The following TPRG1 variants were observed in gnomAD, a reference collection of about 807,000 sequenced individuals.
The protein encoded by TPRG1 is tumor protein p63 regulated 1.
A neutral mutation model predicts 29.3 loss-of-function variants in TPRG1; 29 were observed. The ratio of observed to expected loss-of-function variants is 0.99; its 90% CI spans 0.74 to 1.35. TPRG1 has a LOEUF of 1.35. Among genes scored for constraint, TPRG1 ranks in the 40% most tolerant of loss-of-function variants. The pLI, the probability that TPRG1 is intolerant of heterozygous loss-of-function variation, is 0.00. For synonymous variants in TPRG1, 130 were observed against 116.8 expected (o/e 1.11, Z -0.73); for missense variants, 327 against 335.0 (o/e 0.98, Z 0.19).
chr3:189,133,085 G>C (rs904951826), intron 3 of TPRG1, among the ~76,000 whole-genome samples: 2 of 152,198 alleles, frequency 1.3e-5, no homozygotes, highest in African/African-American at 4.8e-5. Context: ...CCAGAGGAGA[G>C]ACTAGTGTAA....
intron 4 of TPRG1, among the ~76,000 whole-genome samples, chr3:189,285,092 A>T (rs1717827269): frequency 6.6e-6 from 1 of 152,240 alleles, no homozygotes; most frequent in Non-Finnish European, 1.5e-5. Flanking sequence ...CAAATTTACA[A>T]GAAAAAAATC....
chr3:189,072,961 G>C (rs919581759), intron 4 of TPRG1, among the ~76,000 whole-genome samples: 9 of 152,132 alleles, frequency 5.9e-5, no homozygotes, highest in Non-Finnish European at 1.2e-4. Flanking sequence ...TGCTTCCCAA[G>C]TTTTTAAGAC....
At chr3:189,280,215 C>T (rs759244956) in intron 4 of TPRG1, among the ~76,000 whole-genome samples, 5 of 150,294 alleles carry the variant, frequency 3.3e-5, no homozygotes, top group East Asian at 1.9e-4. Context: ...AAAGCAGCCA[C>T]GGGCAATATA....
At chr3:189,095,577 G>C (rs1388564710), upstream of TPRG1, among the ~76,000 whole-genome samples, 1 of 152,126 alleles carries the variant, frequency 6.6e-6, no homozygotes, top group Admixed American at 6.6e-5. Context: ...ATCCTCTCTG[G>C]AAAGCTTCGC....
chr3:189,225,148 G>T (rs557714076), intron 3 of TPRG1, among the ~76,000 whole-genome samples: 4 of 152,036 alleles, frequency 2.6e-5, no homozygotes, highest in Non-Finnish European at 5.9e-5. Context: ...AGCCAGGATG[G>T]TCTCGATCTC....
intron 4 of TPRG1, among the ~76,000 whole-genome samples, chr3:189,079,070 C>T (rs1717413394): frequency 6.6e-6 from 1 of 152,084 alleles, no homozygotes; most frequent in African/African-American, 2.4e-5. Context: ...GTGAGGGCCT[C>T]AGGAAGCTTC....
Position 189,093,308 on chromosome 3 carries a change from C to T in TPRG1, c.-462-33749C>T, listed in dbSNP as rs368441022. Among the ~76,000 whole-genome samples, 27 of 152,294 alleles carry T rather than the reference C, an allele frequency of 1.8e-4. No individual in the cohort carries two copies. The East Asian group carries it at 4.8e-3, about 27-fold the overall frequency. ...TTTATGTTTAGACCTTCCTTAAATT[C>T]TTTCACATCTCTGCAAACAGGAAGA... On this transcript the variant is annotated intron_variant, in intron 4 of 10. Coordinates refer to the TPRG1 transcript ENST00000433971.
At chr3:189,072,521 T>C (rs1181012677) in intron 4 of TPRG1, among the ~76,000 whole-genome samples, 1 of 152,190 alleles carries the variant, frequency 6.6e-6, no homozygotes, top group Admixed American at 6.5e-5. Flanking sequence ...ACAGGTGATA[T>C]TTTATTTTTC....
At chr3:189,129,392 A>T (rs924533986) in intron 2 of TPRG1, among the ~76,000 whole-genome samples, 4 of 152,160 alleles carry the variant, frequency 2.6e-5, no homozygotes, top group African/African-American at 9.7e-5. Context: ...GATACCAGGT[A>T]TATTATGTTG....
At chr3:189,031,621 G>A (rs1713939732) in intron 4 of TPRG1, among the ~76,000 whole-genome samples, 2 of 152,254 alleles carry the variant, frequency 1.3e-5, no homozygotes, top group South Asian at 4.1e-4. Context: ...CTGTTGCTGA[G>A]TGAATATCAC....
intron 4 of TPRG1, among the ~76,000 whole-genome samples, chr3:189,263,840 G>A (rs866248588): frequency 2.0e-5 from 3 of 152,172 alleles, no homozygotes; most frequent in Admixed American, 2.0e-4. Context: ...ACTAAGAGAC[G>A]TGTGAAGGTT....
At chr3:189,098,308 A>G (rs1356622857), upstream of TPRG1, among the ~76,000 whole-genome samples, 1 of 152,210 alleles carries the variant, frequency 6.6e-6, no homozygotes, top group Non-Finnish European at 1.5e-5. Flanking sequence ...TAAAGAAAAT[A>G]AGACGAAAGG....
rs752869599 is a variant in TPRG1 at position 189,238,762 on chromosome 3, G to A, written c.332G>A (p.Arg111Lys). Residue 111 changes from arginine to lysine, a missense_variant, in exon 4 of 6, where the codon AGA (arginine) becomes AAA (lysine). Transcript: ENST00000345063. ...KIDHWNNEKE[R>K]ILLVTDKTLL... ...GACCACTGGAACAATGAGAAGGAGA[G>A]AATTCTACTGGTCACAGACAAGACT... 6.2e-7 allele frequency: 1 copy of A among 1,613,128 alleles called. No homozygotes were observed.
intron 5 of TPRG1, among the ~76,000 whole-genome samples, chr3:189,162,027 C>G (rs925625199): frequency 1.3e-5 from 2 of 152,138 alleles, no homozygotes; most frequent in African/African-American, 4.8e-5. Context: ...GAGTTTCACT[C>G]TATCACCCAG....
intron 4 of TPRG1, among the ~76,000 whole-genome samples, chr3:189,295,266 C>A (rs1378935057): frequency 6.6e-6 from 1 of 152,154 alleles, no homozygotes; most frequent in East Asian, 1.9e-4. Context: ...AGACTGTGAG[C>A]AACCTGAATG....
At chr3:189,140,599 G>T (rs189344880) in intron 3 of TPRG1, among the ~76,000 whole-genome samples, 4 of 152,276 alleles carry the variant, frequency 2.6e-5, no homozygotes, top group African/African-American at 9.6e-5. Flanking sequence ...CAGAAGGCCA[G>T]TCTCTTCTAA....
chr3:189,170,801 A>G (rs924155467), upstream of TPRG1, among the ~76,000 whole-genome samples: 11 of 152,154 alleles, frequency 7.2e-5, no homozygotes, highest in African/African-American at 2.7e-4. Context: ...GAATCGCTTC[A>G]TGACCTCAGT....
At chr3:189,295,327 T>C (rs1314118665) in intron 4 of TPRG1, among the ~76,000 whole-genome samples, 2 of 152,156 alleles carry the variant, frequency 1.3e-5, no homozygotes, top group East Asian at 3.9e-4. Flanking sequence ...GGCTGTGTTG[T>C]GAACACAGTT....
At chr3:189,107,074 T>A (rs1169151204) in intron 1 of TPRG1, among the ~76,000 whole-genome samples, 4 of 152,142 alleles carry the variant, frequency 2.6e-5, no homozygotes, top group Non-Finnish European at 5.9e-5. Context: ...TACCCTGACT[T>A]TTTAAACAGA....
Sources: gnomAD v4.1 joint callset for allele counts (sites outside exome capture counted in the v4.1 genomes callset) on GRCh38, gnomAD v4.1.1 for gene constraint, MANE v1.5 for transcripts, NCBI Gene and HGNC (gene_info 2026-07-23, HGNC 2026-07-21) for gene names.